FADS6: variants seen among roughly 807,000 people sequenced by gnomAD.
FADS6 encodes the protein fatty acid desaturase domain family, member 6.
A neutral mutation model predicts 31.7 loss-of-function variants in FADS6; 28 were observed. The ratio of observed to expected loss-of-function variants is 0.88; its 90% CI spans 0.66 to 1.21. The LOEUF (loss-of-function observed/expected upper bound fraction) is 1.21, where lower values mean the gene tolerates loss of function less well. Among genes scored for constraint, FADS6 ranks in the 50% most tolerant of loss-of-function variants. The pLI is 0.00. For missense variants in FADS6, 494 were observed against 504.2 expected (o/e 0.98, Z 0.19); for synonymous variants, 191 against 213.1 (o/e 0.90, Z 0.90).
At chr17:74,880,697 G>C (rs1005059298) in intron 4 of FADS6, among the ~76,000 whole-genome samples, 1 of 152,100 alleles carries the variant, frequency 6.6e-6, no homozygotes, top group African/African-American at 2.4e-5. Context: ...CAGAGCAGGG[G>C]GTGGTCGGGA....
At chr17:74,887,323 G>A (rs1245387218) in intron 2 of FADS6, among the ~76,000 whole-genome samples, 4 of 152,130 alleles carry the variant, frequency 2.6e-5, no homozygotes, top group Non-Finnish European at 4.4e-5. Flanking sequence ...GGGCTCAAGC[G>A]ATCCTCCTGC....
At chr17:74,883,793 G>A (rs1479600346) in intron 2 of FADS6, among the ~76,000 whole-genome samples, 4 of 151,862 alleles carry the variant, frequency 2.6e-5, no homozygotes, top group African/African-American at 4.8e-5. Flanking sequence ...CCAGCCTCCC[G>A]AGTAGCTGGG....
At chr17:74,882,936 G>T in intron 2 of FADS6, 1 of 1,262,522 alleles carries the variant, frequency 7.9e-7, no homozygotes, top group Non-Finnish European at 1.1e-6. Context: ...ACGAGGCTCT[G>T]CAAAGCATTT....
intron 2 of FADS6, among the ~76,000 whole-genome samples, chr17:74,888,453 G>C (rs998576737): frequency 6.6e-6 from 1 of 152,234 alleles, no homozygotes; most frequent in Non-Finnish European, 1.5e-5. Flanking sequence ...GGAACAGGCA[G>C]AGAGAAGGTT....
chr17:74,876,071 C>T (rs1295351345), downstream of FADS6, among the ~76,000 whole-genome samples: 2 of 152,158 alleles, frequency 1.3e-5, no homozygotes, highest in East Asian at 3.9e-4. Context: ...AAAGGAACTG[C>T]GGTCTTTGGT....
rs368141734 is a variant in FADS6, at chr17:74,878,319, G to T, written c.*12C>A. On this transcript the variant is annotated 3_prime_UTR_variant, in exon 6 of 6. Transcript: ENST00000612771. ...CAGGGAGGGGCAGGGTGGCTGCACCGGCCCGGCCTCATTACAGCCCCACAA... is the reference window on the plus strand; with the variant it reads ...CAGGGAGGGGCAGGGTGGCTGCACCTGCCCGGCCTCATTACAGCCCCACAA... 5.0e-6 allele frequency: 8 copies of T among 1,610,124 alleles called. No individual in the cohort carries two copies. Among genetic ancestry groups the T allele is most frequent in the Non-Finnish European group, 6.8e-6 (8 of 1,178,278 alleles).
Position 74,888,566 on chromosome 17 carries a change from C to G in FADS6, c.411+3957G>C, listed in dbSNP as rs780605186. Among the ~76,000 whole-genome samples the G allele has an allele frequency of 7.1e-4, 108 of 152,084 alleles. 1 individual carries two copies. Among genetic ancestry groups the G allele is most frequent in the Non-Finnish European group, 1.4e-3 (98 of 68,016 alleles). ...GGGTTCCTGGCCCTGTTTCCACCCC[C>G]ACAAGAGCCCTGAAGGAAGCCGATG... On this transcript the variant is annotated intron_variant, in intron 2 of 5. Transcript: ENST00000612771.
In FADS6 at chr17:74,878,026, C is replaced by T; in HGVS notation, c.*305G>A. The T allele has an allele frequency of 8.8e-7, 1 of 1,141,492 alleles. No individual in the cohort carries two copies. The highest frequency in any genetic ancestry group is 1.1e-6 in the Non-Finnish European group (1 of 927,762). 70.7% of individuals were successfully genotyped at this position (1,141,492 alleles called of 1,614,324 possible). The stretch of plus-strand genomic sequence containing the variant: ...TCACCTCCCTTTAACCCTACCAAGG[C>T]TCAGATGGAGCAGGGGGAAGGACCC... On this transcript the variant is annotated 3_prime_UTR_variant, in exon 6 of 6. Transcript: ENST00000612771.
At position 74,881,065 on chromosome 17, in the gene FADS6, C is replaced by T. The variant is rs2038561972; in HGVS notation, c.780+3G>A. On this transcript the variant is annotated splice_donor_region_variant and intron_variant, in intron 4 of 5. Coordinates refer to ENST00000612771, the MANE Select transcript of FADS6 (RefSeq NM_178128.6). ...CCAGCGCCCCAGGTTGGGGTGGCCTCACCTGGAAGATGTTGACGTGGAGGT... is the reference window on the plus strand; with the variant it reads ...CCAGCGCCCCAGGTTGGGGTGGCCTTACCTGGAAGATGTTGACGTGGAGGT... 2 of 1,611,404 alleles carry T rather than the reference C, an allele frequency of 1.2e-6. No homozygotes were observed. Among genetic ancestry groups the T allele is most frequent in the Non-Finnish European group, 1.7e-6 (2 of 1,178,742 alleles).
chr17:74,880,669 C>A (rs1351413459), intron 4 of FADS6, among the ~76,000 whole-genome samples: 1 of 152,086 alleles, frequency 6.6e-6, no homozygotes, highest in Non-Finnish European at 1.5e-5. Flanking sequence ...TCCCTGAAAC[C>A]AAAACTCGAA....
At chr17:74,884,012 G>A (rs1370999970) in intron 2 of FADS6, among the ~76,000 whole-genome samples, 13 of 152,108 alleles carry the variant, frequency 8.5e-5, no homozygotes, top group South Asian at 8.3e-4. Flanking sequence ...AAGCATTGTC[G>A]GACCCCCAGT....
chr17:74,891,098 C>A (rs2038683188), intron 2 of FADS6, among the ~76,000 whole-genome samples: 3 of 145,940 alleles, frequency 2.1e-5, no homozygotes. Flanking sequence ...CTCAGTACAG[C>A]TTTTTTCTTT....
At chr17:74,885,521 G>A (rs907474996) in intron 2 of FADS6, among the ~76,000 whole-genome samples, 1 of 152,028 alleles carries the variant, frequency 6.6e-6, no homozygotes, top group Admixed American at 6.6e-5. Context: ...CGGAAGCTAC[G>A]CAGATCCAGC....
At chr17:74,881,337 C>A (rs764513842) in intron 3 of FADS6, 82 bp from the exon 4 acceptor site, 2 of 1,361,126 alleles carry the variant, frequency 1.5e-6, no homozygotes, top group Non-Finnish European at 2.0e-6. Context: ...AAAGCAGTGG[C>A]GGAGGCCAGG....
At chr17:74,887,092 A>T (rs1188520476) in intron 2 of FADS6, among the ~76,000 whole-genome samples, 15 of 119,830 alleles carry the variant, frequency 1.3e-4, no homozygotes, top group African/African-American at 3.2e-4. Context: ...ACAGACTTTT[A>T]CTCTGTTGCC....
chr17:74,893,049 T>TG (rs894038350), intron 1 of FADS6, among the ~76,000 whole-genome samples: 13 of 151,506 alleles, frequency 8.6e-5, no homozygotes, highest in Admixed American at 3.3e-4. Context: ...TTCCCGGGGG[T>TG]GGGGGGGCAC....
downstream of FADS6, among the ~76,000 whole-genome samples, chr17:74,874,883 T>C (rs2038495695): frequency 6.6e-6 from 1 of 152,194 alleles, no homozygotes; most frequent in South Asian, 2.1e-4. Context: ...AATTGAGTAG[T>C]TGTAACAGAG....
chr17:74,892,620 T>A lies in FADS6; in HGVS notation c.314A>T (p.His105Leu). 6.2e-7 allele frequency: 1 copy of A among 1,613,382 alleles called. No individual in the cohort carries two copies. The highest frequency in any genetic ancestry group is 8.5e-7 in the Non-Finnish European group (1 of 1,179,640). ...GCTGCCCTTGACAGTGAGTGTGTAG[T>A]GGCACACACCCAAGATGGTGATGCC... The part of the protein sequence containing the change: ...ASGITILGVC[H>L]YTLTVKGSHL... The change falls in exon 2 of 6, where the codon CAC becomes CTC. Residue 105 changes from histidine (H) to leucine (L), a missense_variant. Physicochemically the swap from His to Leu is moderately conservative, Grantham distance 99. This residue lies in a region of FADS6 where 454 missense variants were observed against 438.5 expected (regional missense o/e 1.04). Coordinates refer to ENST00000612771, the MANE Select transcript of FADS6 (RefSeq NM_178128.6).
At chr17:74,888,542 G>A (rs959381730) in intron 2 of FADS6, among the ~76,000 whole-genome samples, 1 of 152,088 alleles carries the variant, frequency 6.6e-6, no homozygotes, top group Non-Finnish European at 1.5e-5. Context: ...CTTAGGCGGG[G>A]GTTCCTGGCC....
Sources: allele counts gnomAD v4.1 joint callset (sites outside exome capture counted in the v4.1 genomes callset), GRCh38; gene constraint gnomAD v4.1.1; regional missense constraint gnomAD v4.1.1; transcripts MANE v1.5; gene names NCBI Gene and HGNC (gene_info 2026-07-23, HGNC 2026-07-21).